The following CRACD variants were observed in gnomAD, a reference collection of about 807,000 sequenced individuals.
CRACD encodes capping protein-inhibiting regulator of actin dynamics.
In CRACD, 56 loss-of-function variants were observed where a neutral mutation model predicts 106.8. That is an observed-to-expected ratio of 0.52 (90% CI 0.42 to 0.66). CRACD has a LOEUF of 0.66. Ranked by LOEUF, CRACD falls within the 30% of genes least tolerant of loss-of-function variation. The pLI, the probability that CRACD is intolerant of heterozygous loss-of-function variation, is 0.00. For missense variants in CRACD, 1,730 were observed against 1,623.2 expected (o/e 1.07, Z -1.13); for synonymous variants, 754 against 670.8 (o/e 1.12, Z -1.92).
intron 3 of CRACD, 130 bp from the exon 4 acceptor site, chr4:56,298,084 C>A: frequency 2.0e-6 from 2 of 1,011,514 alleles, no homozygotes; most frequent in Non-Finnish European, 2.9e-6. Context: ...GACAGGGACA[C>A]AATGCTGAAA....
intron 1 of CRACD, among the ~76,000 whole-genome samples, chr4:56,119,568 C>T (rs1734412808): frequency 6.6e-6 from 1 of 151,994 alleles, no homozygotes; most frequent in African/African-American, 2.4e-5. Context: ...CTCCTGGGCT[C>T]AAGTGATCTG....
Position 56,315,351 on chromosome 4 carries a change from G to A in CRACD, c.1849G>A (p.Ala617Thr). Residue 617 changes from alanine (A) to threonine (T), a missense_variant, in exon 8 of 11, where the codon GCG (alanine) becomes ACG (threonine). Around this residue, in one of 5 missense-constraint regions of CRACD, gnomAD observed 1,620 missense variants for 1,481.6 expected, o/e 1.09. Coordinates refer to ENST00000682029, the MANE Select transcript of CRACD (RefSeq NM_001393381.1). This position sits in a 1 kb window ranked among gnomAD's most constrained non-coding sequence, Gnocchi z 4.1. ...CAACCTGAGCCAGATCAAGGACACC[G>A]CGTGCAAGTCCCTCCTGGGCTTGGA... ...AVNLSQIKDT[A>T]CKSLLGLEEK... 1.9e-6 allele frequency: 3 copies of A among 1,613,662 alleles called. No individual in the cohort carries two copies. Among genetic ancestry groups the A allele is most frequent in the African/African-American group, 1.3e-5 (1 of 75,020 alleles).
chr4:56,326,846 T>C (rs1278604232), intron 10 of CRACD, among the ~76,000 whole-genome samples: 5 of 151,878 alleles, frequency 3.3e-5, no homozygotes, highest in Non-Finnish European at 5.9e-5. Context: ...TTCAAGTGAT[T>C]CTCCTGCCTC....
In CRACD at chr4:56,094,160, A is replaced by G. The variant is rs183551686; in HGVS notation, c.-336+44861A>G. On this transcript the variant is annotated intron_variant, in intron 1 of 10. Coordinates refer to ENST00000682029, the MANE Select transcript of CRACD (RefSeq NM_001393381.1). The stretch of plus-strand genomic sequence containing the variant: ...ATTTAAAAATTGTAGTTGAAAGGAA[A>G]CTATTCAAGATGCAATGAAAACTAC... 1.8e-4 allele frequency among the ~76,000 whole-genome samples: 27 copies of G among 152,294 alleles called. No individual in the cohort carries two copies. In the East Asian group the frequency reaches 5.0e-3, roughly 28 times the overall value.
At chr4:56,204,913 A>C (rs1269963229) in intron 2 of CRACD, among the ~76,000 whole-genome samples, 1 of 152,176 alleles carries the variant, frequency 6.6e-6, no homozygotes, top group East Asian at 1.9e-4. Context: ...TAATCTCAGC[A>C]CTTTGGTAGG....
chr4:56,316,076 C>T lies in CRACD; in HGVS notation c.2574C>T (p.Phe858=), dbSNP rs1745617271. The change falls in exon 8 of 11, where the codon TTC becomes TTT. Residue 858 remains phenylalanine, a synonymous_variant. Coordinates refer to ENST00000682029, the MANE Select transcript of CRACD (RefSeq NM_001393381.1). ...GAAGGACCAACTATTCCTTGCGCTTCAACTGCGACCAACAGGCAGAACAGA... is the reference window on the plus strand; with the variant it reads ...GAAGGACCAACTATTCCTTGCGCTTTAACTGCGACCAACAGGCAGAACAGA... ...KLRRTNYSLR[F]NCDQQAEQKK... The T allele has an allele frequency of 1.9e-6, 3 of 1,614,076 alleles. No homozygotes were observed. The African/African-American group carries it at 4.0e-5, about 22-fold the overall frequency.
intron 1 of CRACD, among the ~76,000 whole-genome samples, chr4:56,091,458 C>T (rs1205255866): frequency 6.6e-6 from 1 of 151,886 alleles, no homozygotes; most frequent in South Asian, 2.1e-4. Context: ...ATTTTTACAG[C>T]AGTGCTGTAA....
chr4:56,250,322 T>C (rs1740978157), intron 2 of CRACD, among the ~76,000 whole-genome samples: 1 of 152,224 alleles, frequency 6.6e-6, no homozygotes, highest in Non-Finnish European at 1.5e-5. Context: ...CATTTCTTAA[T>C]ACTAGCTGGC....
chr4:56,320,683 T>TC (rs2109791158), intron 8 of CRACD: 1 of 152,448 alleles, frequency 6.6e-6, no homozygotes, highest in African/African-American at 2.4e-5. Context: ...AGGAGTTCTT[T>TC]CCTAGACTAA....
chr4:56,050,541 A>T (rs1731841009), intron 1 of CRACD, among the ~76,000 whole-genome samples: 2 of 152,166 alleles, frequency 1.3e-5, no homozygotes, highest in African/African-American at 2.4e-5. Flanking sequence ...AATCTGAATA[A>T]AACAGTCAGT....
chr4:56,061,825 A>G (rs1732288391), intron 1 of CRACD, among the ~76,000 whole-genome samples: 1 of 152,192 alleles, frequency 6.6e-6, no homozygotes, highest in Non-Finnish European at 1.5e-5. Flanking sequence ...TGTCTTCCAG[A>G]TCCAGCATTG....
In CRACD at chr4:56,284,617, T is replaced by C. The variant is rs528333171; in HGVS notation, c.-17+12125T>C. Among the ~76,000 whole-genome samples, 8 of 152,064 alleles carry C rather than the reference T, an allele frequency of 5.3e-5. No homozygotes were observed. In the South Asian group the frequency reaches 8.3e-4, roughly 16 times the overall value. On this transcript the variant is annotated intron_variant, in intron 3 of 10. Coordinates refer to ENST00000682029, the MANE Select transcript of CRACD (RefSeq NM_001393381.1). Reference sequence around the variant, plus strand: ...GTGGGTACCTGTAATCCCAGCTACTTGGGAGGCTGAAGTAGGAGAATTGCT... The same window carrying C: ...GTGGGTACCTGTAATCCCAGCTACTCGGGAGGCTGAAGTAGGAGAATTGCT...
chr4:56,065,637 T>C (rs1352829079), intron 1 of CRACD, among the ~76,000 whole-genome samples: 3 of 152,136 alleles, frequency 2.0e-5, no homozygotes, highest in Non-Finnish European at 2.9e-5. Context: ...GGCCAGCTGG[T>C]TTTTTTGTTG....
intron 2 of CRACD, among the ~76,000 whole-genome samples, chr4:56,211,395 C>G (rs6841474): frequency 0.051 from 7,751 of 152,284 alleles, 602 homozygotes; most frequent in African/African-American, 0.17. Context: ...CTCCGCCTGC[C>G]CAGGCCATGC....
chr4:56,162,834 G>A (rs1248595764), intron 1 of CRACD, among the ~76,000 whole-genome samples: 4 of 152,164 alleles, frequency 2.6e-5, no homozygotes, highest in African/African-American at 7.2e-5. Flanking sequence ...TGTTGGTTGG[G>A]GTAGAGTGCT....
intron 1 of CRACD, among the ~76,000 whole-genome samples, chr4:56,117,645 C>G (rs1450496397): frequency 6.6e-6 from 1 of 152,174 alleles, no homozygotes; most frequent in Non-Finnish European, 1.5e-5. Flanking sequence ...TTTAATACCA[C>G]TGAACTGTAC....
At chr4:56,207,524 C>T (rs975281571) in intron 2 of CRACD, among the ~76,000 whole-genome samples, 2 of 151,894 alleles carry the variant, frequency 1.3e-5, no homozygotes, top group African/African-American at 4.8e-5. Context: ...GTTTCTTGGC[C>T]ACAGTGGCCC....
intron 1 of CRACD, among the ~76,000 whole-genome samples, chr4:56,141,682 A>AT (rs1171920777): frequency 0.021 from 1,776 of 82,652 alleles, 91 homozygotes; most frequent in Middle Eastern, 0.031. Context: ...AGGAAGTACT[A>AT]TTTTTTTTTT....
intron 1 of CRACD, among the ~76,000 whole-genome samples, chr4:56,136,428 G>T (rs374147858): frequency 8.5e-5 from 13 of 152,142 alleles, no homozygotes; most frequent in East Asian, 3.9e-4. Context: ...AATTGGTATT[G>T]TCAGTCTTTT....
Sources: allele counts gnomAD v4.1 joint callset (sites outside exome capture counted in the v4.1 genomes callset), GRCh38; gene constraint gnomAD v4.1.1; regional missense constraint gnomAD v4.1.1; non-coding constraint Gnocchi (gnomAD v3.1); transcripts MANE v1.5; gene names NCBI Gene and HGNC (gene_info 2026-07-23, HGNC 2026-07-21).